Variants in SOBP observed in about 807,000 individuals in gnomAD.
SOBP encodes the protein sine oculis-binding protein homolog.
In SOBP, 4 loss-of-function variants were observed where a neutral mutation model predicts 53.6. That is an observed-to-expected ratio of 0.07 (90% CI 0.04 to 0.17). SOBP has a LOEUF of 0.17. Ranked by LOEUF, SOBP falls within the 10% of genes least tolerant of loss-of-function variation. The pLI, the probability that SOBP is intolerant of heterozygous loss-of-function variation, is 1.00. For missense variants in SOBP, 1,088 were observed against 1,204.7 expected, an observed-to-expected ratio of 0.90 and a Z score of 1.43; for synonymous variants, 584 against 522.6, an observed-to-expected ratio of 1.12 and a Z score of -1.60.
At chr6:107,495,439 TA>T (rs1243523597) in intron 1 of SOBP, among the ~76,000 whole-genome samples, 3 of 152,224 alleles carry the variant, frequency 2.0e-5, no homozygotes, top group Non-Finnish European at 4.4e-5. Flanking sequence ...CGTCATTCTC[TA>T]AACTTACTTA....
At chr6:107,491,338 T>C (rs1782576299) in intron 1 of SOBP, among the ~76,000 whole-genome samples, 1 of 152,008 alleles carries the variant, frequency 6.6e-6, no homozygotes, top group Non-Finnish European at 1.5e-5. Context: ...TCTGCCTGCC[T>C]CACTTCCCAG....
At position 107,551,288 on chromosome 6, in the gene SOBP, C is replaced by T. The variant is rs113103854; in HGVS notation, c.573+17678C>T. On this transcript the variant is annotated intron_variant, in intron 4 of 6. Coordinates refer to ENST00000317357, the MANE Select transcript of SOBP (RefSeq NM_018013.4). ...CTGAAGAGCAATAGAAACTGGTCTC[C>T]TTTATGATTAGAATATCAGTGTTTA... 8.5e-5 allele frequency among the ~76,000 whole-genome samples: 13 copies of T among 152,278 alleles called. 3 individuals carry two copies. Among genetic ancestry groups the T allele is most frequent in the African/African-American group, 3.1e-4 (13 of 41,564 alleles).
Position 107,635,986 on chromosome 6 carries a change from C to T in SOBP, c.*3+517C>T, listed in dbSNP as rs1771023883. On this transcript the variant is annotated intron_variant, in intron 6 of 6. Transcript: ENST00000317357. This position sits in a 1 kb window ranked among gnomAD's most constrained non-coding sequence, Gnocchi z 4.5. Reference sequence around the variant, plus strand: ...TGTCACCAAATTTTCTTGATAAGGACGGGATTCCATTTGTAAAGTGAGAAT... The same window carrying T: ...TGTCACCAAATTTTCTTGATAAGGATGGGATTCCATTTGTAAAGTGAGAAT... 1.3e-5 allele frequency among the ~76,000 whole-genome samples: 2 copies of T among 152,148 alleles called. 1 individual carries two copies. Among genetic ancestry groups the T allele is most frequent in the African/African-American group, 4.8e-5 (2 of 41,424 alleles).
intron 5 of SOBP, among the ~76,000 whole-genome samples, chr6:107,604,701 GC>G (rs1242447127): frequency 2.0e-5 from 3 of 152,260 alleles, no homozygotes; most frequent in South Asian, 2.1e-4. Flanking sequence ...CTGTGAGGGC[GC>G]CCCCAGTGAC....
At chr6:107,627,370 C>G (rs1355824787) in intron 5 of SOBP, among the ~76,000 whole-genome samples, 1 of 152,212 alleles carries the variant, frequency 6.6e-6, no homozygotes, top group Non-Finnish European at 1.5e-5. Context: ...AAGCCCATCT[C>G]TGCTCTGCCT....
At chr6:107,610,632 C>T (rs1026551110) in intron 5 of SOBP, among the ~76,000 whole-genome samples, 1 of 152,176 alleles carries the variant, frequency 6.6e-6, no homozygotes, top group Non-Finnish European at 1.5e-5. Context: ...TGTTTTAAAG[C>T]TCTTGAGCAT....
rs2115146951 is a variant in SOBP, at chr6:107,634,634, C to T, written c.1790C>T (p.Ser597Leu). 2 of 1,579,570 alleles carry T rather than the reference C, an allele frequency of 1.3e-6. No homozygotes were observed. The highest frequency in any genetic ancestry group is 1.7e-6 in the Non-Finnish European group (2 of 1,169,194). ...CAGGGCTCGTCCAAGTCCGCGGACTCGCCCCCCGGCTGCTCGGGCCAGGCC... is the reference window on the plus strand; with the variant it reads ...CAGGGCTCGTCCAAGTCCGCGGACTTGCCCCCCGGCTGCTCGGGCCAGGCC... The part of the protein sequence containing the change: ...SKQGSSKSAD[S>L]PPGCSGQALS... The change falls in exon 6 of 7, where the codon TCG becomes TTG. Residue 597 changes from serine (S) to leucine (L), a missense_variant. Around this residue, in one of 6 missense-constraint regions of SOBP, gnomAD observed 665 missense variants for 629.7 expected, o/e 1.06. Coordinates refer to ENST00000317357, the MANE Select transcript of SOBP (RefSeq NM_018013.4). This position sits in a 1 kb window ranked among gnomAD's most constrained non-coding sequence, Gnocchi z 4.5.
At chr6:107,585,969 A>G (rs1350771771) in intron 4 of SOBP, among the ~76,000 whole-genome samples, 1 of 152,140 alleles carries the variant, frequency 6.6e-6, no homozygotes, top group Non-Finnish European at 1.5e-5. Context: ...CCCTCAATCC[A>G]TACATAACAA....
chr6:107,615,969 C>G (rs1786766961), intron 5 of SOBP, among the ~76,000 whole-genome samples: 1 of 150,198 alleles, frequency 6.7e-6, no homozygotes, highest in Non-Finnish European at 1.5e-5. Context: ...CTGCAGCGAG[C>G]TAGGATCATA....
At chr6:107,598,804 T>C (rs533443297) in intron 5 of SOBP, among the ~76,000 whole-genome samples, 1 of 152,308 alleles carries the variant, frequency 6.6e-6, no homozygotes, top group Admixed American at 6.5e-5. Flanking sequence ...AAAATATTGG[T>C]CATCAAGTTT....
chr6:107,548,654 G>A (rs990490752), intron 4 of SOBP, among the ~76,000 whole-genome samples: 1 of 152,166 alleles, frequency 6.6e-6, no homozygotes, highest in Non-Finnish European at 1.5e-5. Flanking sequence ...AGTGAATTAA[G>A]GGCTGGGTGC....
chr6:107,652,075 C>A (rs1771824222), intron 6 of SOBP, among the ~76,000 whole-genome samples: 1 of 152,214 alleles, frequency 6.6e-6, no homozygotes, highest in Non-Finnish European at 1.5e-5. Context: ...ACACAACATT[C>A]ATTCTGCAGC....
At position 107,634,936 on chromosome 6, in the gene SOBP, T is replaced by C. The variant is rs765003458; in HGVS notation, c.2092T>C (p.Cys698Arg). 3.6e-6 allele frequency: 4 copies of C among 1,098,270 alleles called. No homozygotes were observed. Among genetic ancestry groups the C allele is most frequent in the South Asian group, 4.3e-5 (1 of 23,510 alleles). The allele number at this position is 1,098,270 out of a possible 1,614,324, so 68.0% of individuals were successfully genotyped here. The change falls in exon 6 of 7, where the codon TGC becomes CGC. Residue 698 changes from cysteine to arginine, a missense_variant. Transcript: ENST00000317357. The surrounding 1 kb of genome is among the most constrained non-coding windows in gnomAD (Gnocchi z 4.5). ...RTCGGCRDGH[C>R]SPPAAGDPGP... ...CTGCGGCGGCTGCAGGGACGGCCAC[T>C]GCAGCCCGCCCGCCGCCGGCGACCC...
intron 4 of SOBP, among the ~76,000 whole-genome samples, chr6:107,578,508 G>A (rs1349861206): frequency 6.6e-6 from 1 of 152,144 alleles, no homozygotes; most frequent in African/African-American, 2.4e-5. Flanking sequence ...TCTACCACTT[G>A]TTAACTGTGT....
intron 4 of SOBP, among the ~76,000 whole-genome samples, chr6:107,549,760 AG>A (rs1784411967): frequency 6.6e-6 from 1 of 152,218 alleles, no homozygotes; most frequent in South Asian, 2.1e-4. Flanking sequence ...ATATTTGATC[AG>A]GGGCAAGTAA....
chr6:107,537,696 C>T (rs1051212379), intron 4 of SOBP, among the ~76,000 whole-genome samples: 1 of 151,944 alleles, frequency 6.6e-6, no homozygotes, highest in African/African-American at 2.4e-5. Flanking sequence ...TGGTGCTCAC[C>T]TGTAGTCCCA....
intron 5 of SOBP, among the ~76,000 whole-genome samples, chr6:107,613,107 G>A (rs1044275336): frequency 6.6e-6 from 1 of 152,230 alleles, no homozygotes; most frequent in African/African-American, 2.4e-5. Flanking sequence ...TGACTCTGAT[G>A]TACACTGAAG....
chr6:107,491,008 G>T (rs1170403164), intron 1 of SOBP, among the ~76,000 whole-genome samples: 1 of 152,166 alleles, frequency 6.6e-6, no homozygotes, highest in Non-Finnish European at 1.5e-5. Context: ...GAGCGGCGTT[G>T]GGCAGGGGAA....
chr6:107,536,151 A>G (rs1207735934), intron 4 of SOBP, among the ~76,000 whole-genome samples: 3 of 152,206 alleles, frequency 2.0e-5, no homozygotes, highest in African/African-American at 4.8e-5. Context: ...TTAAAAAAAC[A>G]TAAAATTAAC....
Sources: gnomAD v4.1 joint callset for allele counts (sites outside exome capture counted in the v4.1 genomes callset) on GRCh38, gnomAD v4.1.1 for gene constraint, gnomAD v4.1.1 regional missense constraint, Gnocchi (gnomAD v3.1) non-coding constraint, MANE v1.5 for transcripts, NCBI Gene and HGNC (gene_info 2026-07-23, HGNC 2026-07-21) for gene names.